SLC4A10: variants seen among roughly 807,000 people sequenced by gnomAD.
SLC4A10 encodes the protein solute carrier family 4 member 10, also known as sodium-driven chloride bicarbonate exchanger.
In SLC4A10, 42 loss-of-function variants were observed where a neutral mutation model predicts 137.7. The observed-to-expected ratio is 0.30, with a 90% CI of 0.24 to 0.39. The LOEUF is 0.39. Ranked by LOEUF, SLC4A10 falls within the 10% of genes least tolerant of loss-of-function variation. SLC4A10 has a pLI of 1.00. For missense variants in SLC4A10, 925 were observed against 1,355.0 expected (o/e 0.68, Z 4.98); for synonymous variants, 474 against 464.1 (o/e 1.02, Z -0.27).
intron 10 of SLC4A10, among the ~76,000 whole-genome samples, chr2:161,882,866 G>T (rs1279683740): frequency 6.6e-6 from 1 of 152,086 alleles, no homozygotes; most frequent in African/African-American, 2.4e-5. Flanking sequence ...ACTCTCTACA[G>T]TTGCCTGAAT....
chr2:161,676,707 T>A (rs2040314053), intron 1 of SLC4A10, among the ~76,000 whole-genome samples: 1 of 152,192 alleles, frequency 6.6e-6, no homozygotes, highest in Non-Finnish European at 1.5e-5. Context: ...TTGAAAAGAA[T>A]TGATATCAAA....
intron 8 of SLC4A10, among the ~76,000 whole-genome samples, chr2:161,877,954 G>A (rs958286422): frequency 1.3e-5 from 2 of 151,980 alleles, no homozygotes; most frequent in African/African-American, 4.8e-5. Flanking sequence ...TCTTTGGAAA[G>A]ATTAATTAGT....
chr2:161,709,992 G>A (rs891026606), intron 1 of SLC4A10: 1 of 151,496 alleles, frequency 6.6e-6, no homozygotes, highest in Non-Finnish European at 1.5e-5. Context: ...GTAATTTAAT[G>A]CCTTATCAGG....
At chr2:161,904,734 C>A in intron 13 of SLC4A10, 42 bp from the exon 14 acceptor site, 8 of 1,610,086 alleles carry the variant, frequency 5.0e-6, no homozygotes, top group Non-Finnish European at 5.9e-6. Context: ...CAATGGCCTC[C>A]TGTACAGCTT....
At chr2:161,825,599 G>A (rs760572923) in intron 3 of SLC4A10, among the ~76,000 whole-genome samples, 2 of 151,726 alleles carry the variant, frequency 1.3e-5, no homozygotes, top group Non-Finnish European at 2.9e-5. Context: ...TCTTCTCCCC[G>A]CTCCCCTCTC....
chr2:161,669,652 T>G (rs1558990606), intron 1 of SLC4A10, among the ~76,000 whole-genome samples: 1 of 152,060 alleles, frequency 6.6e-6, no homozygotes, highest in Non-Finnish European at 1.5e-5. Context: ...TATATAAACA[T>G]AGAGCATAGT....
At chr2:161,911,781 G>A (rs749033550) in intron 15 of SLC4A10, among the ~76,000 whole-genome samples, 1 of 151,998 alleles carries the variant, frequency 6.6e-6, no homozygotes, top group Admixed American at 6.6e-5. Context: ...TTCTGAAAAT[G>A]CTTCTCACAA....
chr2:161,763,575 A>G lies in SLC4A10; in HGVS notation c.49-7398A>G, dbSNP rs1435454655. Among the ~76,000 whole-genome samples, 6 of 152,104 alleles carry G rather than the reference A, an allele frequency of 3.9e-5. 1 individual carries two copies. Among genetic ancestry groups the G allele is most frequent in the African/African-American group, 1.4e-4 (6 of 41,432 alleles). On this transcript the variant is annotated intron_variant, in intron 1 of 26. Transcript: ENST00000446997. ...GGAATGAGGTGTGGGAGCAGTTAAT[A>G]AAAATTGGCAAGAGCTATAGCTATA...
rs552116191 is a variant in SLC4A10 at position 161,745,801 on chromosome 2, T to C, written c.49-25172T>C. Among the ~76,000 whole-genome samples, 3 of 152,282 alleles carry C rather than the reference T, an allele frequency of 2.0e-5. No individual in the cohort carries two copies. In the East Asian group the frequency reaches 5.8e-4, roughly 29 times the overall value. ...TCTGCATTAGGGGAAACACCAAGCT[T>C]GGTAACACGGTGGCTCTTGCAGACT... On this transcript the variant is annotated intron_variant, in intron 1 of 26. Coordinates refer to ENST00000446997, the MANE Select transcript of SLC4A10 (RefSeq NM_001178015.2).
At chr2:161,760,897 C>A (rs1250267557) in intron 1 of SLC4A10, among the ~76,000 whole-genome samples, 4 of 151,678 alleles carry the variant, frequency 2.6e-5, no homozygotes, top group Non-Finnish European at 2.9e-5. Context: ...ATATAACATA[C>A]ATAGGTATGT....
intron 1 of SLC4A10, among the ~76,000 whole-genome samples, chr2:161,726,353 G>A (rs994149361): frequency 6.6e-6 from 1 of 152,100 alleles, no homozygotes; most frequent in African/African-American, 2.4e-5. Context: ...AACATACACA[G>A]CTACTTTTCC....
chr2:161,624,908 GT>G, intron 1 of SLC4A10, among the ~76,000 whole-genome samples: 1 of 152,052 alleles, frequency 6.6e-6, no homozygotes, highest in South Asian at 2.1e-4. Flanking sequence ...CTGTGTGCTG[GT>G]TTAAGCCCTT....
At chr2:161,637,857 T>C (rs553281770) in intron 1 of SLC4A10, among the ~76,000 whole-genome samples, 338 of 152,294 alleles carry the variant, frequency 2.2e-3, no homozygotes, top group Middle Eastern at 0.02. Context: ...TGATTGTTAG[T>C]GATGTTGAGC....
At chr2:161,849,034 A>T (rs1334267567) in intron 4 of SLC4A10, among the ~76,000 whole-genome samples, 1 of 152,110 alleles carries the variant, frequency 6.6e-6, no homozygotes, top group Non-Finnish European at 1.5e-5. Context: ...CCTATCCATG[A>T]GCATGGAATG....
Position 161,983,187 on chromosome 2 carries a change from G to C in SLC4A10, c.*35G>C, listed in dbSNP as rs1376885750. The C allele has an allele frequency of 6.5e-7, 1 of 1,536,740 alleles. No individual in the cohort carries two copies. Among genetic ancestry groups the C allele is most frequent in the African/African-American group, 1.4e-5 (1 of 73,152 alleles). ...TTTTTTTCCTTCTGTAGCATTGAAA[G>C]CCGAAAAGAGAAGAAAGCTGACTCA... On this transcript the variant is annotated 3_prime_UTR_variant, in exon 27 of 27. Transcript: ENST00000446997.
At chr2:161,858,401 T>A (rs1439133663) in intron 5 of SLC4A10, among the ~76,000 whole-genome samples, 1 of 152,204 alleles carries the variant, frequency 6.6e-6, no homozygotes, top group Non-Finnish European at 1.5e-5. Context: ...ATCTGGCAGA[T>A]CTGTCAAGAA....
At chr2:161,892,768 G>A (rs536551781) in intron 10 of SLC4A10, among the ~76,000 whole-genome samples, 1 of 152,034 alleles carries the variant, frequency 6.6e-6, no homozygotes, top group East Asian at 1.9e-4. Flanking sequence ...AAAATTTAAA[G>A]TGTCAGAAAT....
chr2:161,835,140 CA>C (rs1422558431), intron 3 of SLC4A10, among the ~76,000 whole-genome samples: 1 of 151,250 alleles, frequency 6.6e-6, no homozygotes, highest in East Asian at 1.9e-4. Flanking sequence ...TGGGTTCAAG[CA>C]ATTCTTCTGC....
intron 16 of SLC4A10, among the ~76,000 whole-genome samples, chr2:161,944,143 C>T (rs955131371): frequency 6.6e-6 from 1 of 151,790 alleles, no homozygotes; most frequent in East Asian, 1.9e-4. Flanking sequence ...TCTGCTTCCA[C>T]TCAAAGAGCC....
Sources: gnomAD v4.1 joint callset for allele counts (sites outside exome capture counted in the v4.1 genomes callset) on GRCh38, gnomAD v4.1.1 for gene constraint, MANE v1.5 for transcripts, NCBI Gene and HGNC (gene_info 2026-07-23, HGNC 2026-07-21) for gene names.